WDR41: variants seen among roughly 807,000 people sequenced by gnomAD.
WDR41 encodes the protein WD repeat domain 41, also known as WD repeat-containing protein 41.
Under a neutral mutation model 69.3 loss-of-function variants are expected in WDR41, and 63 were observed. That is an observed-to-expected ratio of 0.91 (90% CI 0.74 to 1.12). The LOEUF is 1.12. Among genes scored for constraint, WDR41 ranks in the 50% most tolerant of loss-of-function variants. The pLI, the probability that WDR41 is intolerant of heterozygous loss-of-function variation, is 0.00. For missense variants in WDR41, 543 were observed against 534.5 expected, an observed-to-expected ratio of 1.02 and a Z score of -0.16; for synonymous variants, 185 against 192.1, an observed-to-expected ratio of 0.96 and a Z score of 0.31.
intron 2 of WDR41, among the ~76,000 whole-genome samples, chr5:77,479,594 T>C (rs1377264493): frequency 6.6e-6 from 1 of 152,188 alleles, no homozygotes; most frequent in Non-Finnish European, 1.5e-5. Flanking sequence ...ATTTAATAAA[T>C]GGTGCTGGGA....
In WDR41 at chr5:77,501,968, C is replaced by A. The variant is rs549586940; in HGVS notation, c.43-12396G>T. ...AATTCTAAACACCAGAGTACCTCTT[C>A]TCCATCACAGCTCCTCGCCACCAAT... On this transcript the variant is annotated intron_variant, in intron 1 of 5. Coordinates refer to the WDR41 transcript ENST00000509971. Among the ~76,000 whole-genome samples the A allele has an allele frequency of 2.6e-5, 4 of 152,178 alleles. No homozygotes were observed. In the South Asian group the frequency reaches 8.3e-4, roughly 32 times the overall value.
intron 1 of WDR41, among the ~76,000 whole-genome samples, chr5:77,523,895 G>A (rs1022316344): frequency 3.9e-5 from 6 of 152,056 alleles, no homozygotes; most frequent in Admixed American, 6.6e-5. Context: ...TGAACTAAGA[G>A]GATTTGAATT....
chr5:77,607,719 T>C (rs1744449705), intron 1 of WDR41, among the ~76,000 whole-genome samples: 1 of 152,244 alleles, frequency 6.6e-6, no homozygotes, highest in South Asian at 2.1e-4. Context: ...ATTTCTTTAA[T>C]AATATACACA....
intron 1 of WDR41, among the ~76,000 whole-genome samples, chr5:77,575,587 C>G (rs904445961): frequency 1.3e-5 from 2 of 152,266 alleles, no homozygotes; most frequent in African/African-American, 4.8e-5. Context: ...AAATAAGTTG[C>G]AGGTGTGCTC....
At chr5:77,476,728 T>A in intron 2 of WDR41, among the ~76,000 whole-genome samples, 1 of 150,276 alleles carries the variant, frequency 6.7e-6, no homozygotes, top group African/African-American at 2.5e-5. Flanking sequence ...CATGCCAAAA[T>A]GTAAAGACCA....
intron 1 of WDR41, among the ~76,000 whole-genome samples, chr5:77,597,383 G>C (rs1744245954): frequency 2.0e-5 from 3 of 152,138 alleles, no homozygotes; most frequent in Admixed American, 2.0e-4. Flanking sequence ...TTTCCTTACA[G>C]TTTGACTGAT....
intron 1 of WDR41, among the ~76,000 whole-genome samples, chr5:77,558,094 T>TAAAAAAAAAAAAAAAAAA (rs71608105): frequency 2.9e-5 from 3 of 104,306 alleles, no homozygotes; most frequent in African/African-American, 1.1e-4. Context: ...ATGTTCTTTT[T>TAAAAAAAAAAAAAAAAAA]AAAAAAAAAA....
chr5:77,436,181 T>C, intron 12 of WDR41, 80 bp downstream of exon 12: 2 of 1,541,598 alleles, frequency 1.3e-6, no homozygotes, highest in East Asian at 2.3e-5. Context: ...TATATGCCTT[T>C]ATGAGATCAA....
At chr5:77,480,546 A>G (rs191284686) in intron 2 of WDR41, among the ~76,000 whole-genome samples, 1 of 152,100 alleles carries the variant, frequency 6.6e-6, no homozygotes, top group African/African-American at 2.4e-5. Context: ...AAATTGGAAA[A>G]CATCATGCTC....
At chr5:77,513,968 A>C (rs549910048) in intron 1 of WDR41, among the ~76,000 whole-genome samples, 198 of 34,258 alleles carry the variant, frequency 5.8e-3, no homozygotes, top group Non-Finnish European at 7.3e-3. Flanking sequence ...TTTGTTTTAC[A>C]AAAAAAACTT....
chr5:77,470,313 A>G (rs1408060590), intron 2 of WDR41, among the ~76,000 whole-genome samples: 1 of 152,236 alleles, frequency 6.6e-6, no homozygotes, highest in Non-Finnish European at 1.5e-5. Context: ...GATACCAGCC[A>G]CTGCAAAAAC....
chr5:77,588,238 C>T (rs931828432), intron 1 of WDR41, among the ~76,000 whole-genome samples: 1 of 152,146 alleles, frequency 6.6e-6, no homozygotes, highest in Non-Finnish European at 1.5e-5. Flanking sequence ...TGCCTTTTTA[C>T]TCTTTTAATG....
chr5:77,523,245 C>T (rs977128676), intron 1 of WDR41, among the ~76,000 whole-genome samples: 6 of 151,030 alleles, frequency 4.0e-5, no homozygotes, highest in Admixed American at 6.6e-5. Context: ...ACCCGGGAGG[C>T]GGAGATTGCA....
intron 2 of WDR41, among the ~76,000 whole-genome samples, chr5:77,466,218 A>G (rs1187866285): frequency 3.3e-5 from 5 of 152,012 alleles, no homozygotes; most frequent in Admixed American, 2.0e-4. Flanking sequence ...AATGTAACAT[A>G]TAAAAGATCC....
At chr5:77,596,197 G>C (rs1744224744) in intron 1 of WDR41, among the ~76,000 whole-genome samples, 1 of 152,166 alleles carries the variant, frequency 6.6e-6, no homozygotes, top group Non-Finnish European at 1.5e-5. Context: ...TGCCAAGCTA[G>C]AGTGCAGTGG....
chr5:77,608,959 C>T (rs908994353), intron 1 of WDR41, among the ~76,000 whole-genome samples: 9 of 152,224 alleles, frequency 5.9e-5, no homozygotes, highest in East Asian at 1.9e-4. Flanking sequence ...CCGAATACTG[C>T]GCTTTTCCGA....
chr5:77,501,032 G>A (rs1018820956), intron 1 of WDR41, among the ~76,000 whole-genome samples: 2 of 152,206 alleles, frequency 1.3e-5, no homozygotes, highest in African/African-American at 4.8e-5. Flanking sequence ...CTTGGACAGT[G>A]GGCACAACCC....
At chr5:77,498,571 C>T (rs532557707) in intron 1 of WDR41, among the ~76,000 whole-genome samples, 22 of 152,162 alleles carry the variant, frequency 1.4e-4, no homozygotes, top group African/African-American at 4.3e-4. Context: ...ATAATCCCAG[C>T]GCTTTGGGAG....
intron 1 of WDR41, among the ~76,000 whole-genome samples, chr5:77,597,862 T>C (rs1744254075): frequency 6.6e-6 from 1 of 152,230 alleles, no homozygotes; most frequent in South Asian, 2.1e-4. Context: ...AATCATTTTC[T>C]AGTGATGCTG....
Sources: gnomAD v4.1 joint callset for allele counts (sites outside exome capture counted in the v4.1 genomes callset) on GRCh38, gnomAD v4.1.1 for gene constraint, MANE v1.5 for transcripts, NCBI Gene and HGNC (gene_info 2026-07-23, HGNC 2026-07-21) for gene names.